ATXN7: variants seen among roughly 807,000 people sequenced by gnomAD.
ATXN7 encodes the protein ataxin-7.
In ATXN7, 12 loss-of-function variants were observed where a neutral mutation model predicts 70.5. The observed-to-expected ratio is 0.17, with a 90% confidence interval of 0.11 to 0.28. The LOEUF (loss-of-function observed/expected upper bound fraction) is 0.28, where lower values mean the gene tolerates loss of function less well. ATXN7 is among the 10% of genes least tolerant of loss of function. The pLI is 1.00. For missense variants in ATXN7, 1,256 were observed against 1,131.7 expected, an observed-to-expected ratio of 1.11 and a Z score of -1.58; for synonymous variants, 498 against 448.7, an observed-to-expected ratio of 1.11 and a Z score of -1.39.
chr3:63,995,251 TG>T (rs2075738375), intron 11 of ATXN7, among the ~76,000 whole-genome samples: 1 of 136,600 alleles, frequency 7.3e-6, no homozygotes, highest in Non-Finnish European at 1.6e-5. Context: ...ACGGGGGCGT[TG>T]GGGGTGGGAG....
chr3:63,913,469 C>T (rs989414700), intron 4 of ATXN7, among the ~76,000 whole-genome samples: 1 of 152,164 alleles, frequency 6.6e-6, no homozygotes, highest in Admixed American at 6.5e-5. Flanking sequence ...GTGATGAGCG[C>T]TGGGAACCGG....
chr3:63,910,894 CCT>C (rs1243090571), intron 2 of ATXN7, among the ~76,000 whole-genome samples: 1 of 151,718 alleles, frequency 6.6e-6, no homozygotes, highest in Non-Finnish European at 1.5e-5. Flanking sequence ...AACCCCAAAC[CCT>C]CTCTAGCAAT....
At chr3:63,990,085 A>G (rs2075644410) in intron 9 of ATXN7, 91 bp from the exon 10 acceptor site, 8 of 1,255,006 alleles carry the variant, frequency 6.4e-6, no homozygotes, top group Non-Finnish European at 9.1e-6. Flanking sequence ...GGCCTCTGCT[A>G]GGTTGTTTTG....
At chr3:63,903,987 T>C (rs546831351) in intron 2 of ATXN7, 1 of 152,384 alleles carries the variant, frequency 6.6e-6, no homozygotes, top group African/African-American at 2.4e-5. Flanking sequence ...TTAATGGTTT[T>C]TAGTGTATTC....
At chr3:63,940,518 T>A (rs182098725) in intron 4 of ATXN7, among the ~76,000 whole-genome samples, 2 of 152,322 alleles carry the variant, frequency 1.3e-5, no homozygotes, top group African/African-American at 4.8e-5. Context: ...GGAATGGTAT[T>A]CTTAACTGAG....
chr3:63,998,298 T>C (rs2075792611), intron 12 of ATXN7: 1 of 985,186 alleles, frequency 1.0e-6, no homozygotes, highest in South Asian at 4.7e-5. Context: ...TTACCAGTTT[T>C]AAAGAGAGGC....
At chr3:63,878,250 C>G (rs1702802528) in intron 1 of ATXN7, among the ~76,000 whole-genome samples, 1 of 152,198 alleles carries the variant, frequency 6.6e-6, no homozygotes, top group East Asian at 1.9e-4. Flanking sequence ...ACAAAGCTGA[C>G]TTTGATTCCT....
chr3:63,874,650 C>T (rs79238827), intron 1 of ATXN7, among the ~76,000 whole-genome samples: 61 of 152,266 alleles, frequency 4.0e-4, no homozygotes, highest in Non-Finnish European at 6.5e-4. Flanking sequence ...TCTGATTGCC[C>T]ATGCCTTATT....
intron 1 of ATXN7, chr3:63,873,948 A>G (rs1702670496): frequency 6.6e-6 from 1 of 151,506 alleles, no homozygotes; most frequent in Non-Finnish European, 1.5e-5. Flanking sequence ...CCATCCTCCC[A>G]CCTTGGCCTC....
intron 4 of ATXN7, among the ~76,000 whole-genome samples, chr3:63,918,894 G>T (rs978211509): frequency 6.6e-6 from 1 of 152,090 alleles, no homozygotes; most frequent in Non-Finnish European, 1.5e-5. Context: ...GTTACAGATC[G>T]CCCACACTTA....
chr3:63,892,268 C>G (rs1703291137), intron 1 of ATXN7, among the ~76,000 whole-genome samples: 1 of 152,144 alleles, frequency 6.6e-6, no homozygotes, highest in East Asian at 1.9e-4. Context: ...TTTGTAACCC[C>G]AGGCCAGTCA....
In ATXN7 at chr3:63,996,345, C is replaced by G. The variant is rs754382095; in HGVS notation, c.2523C>G (p.Pro841=). ...KLIGKKRKCS[P]SSSSINNSSS... is the part of the protein sequence containing the mutation. ...TAGGAAAGAAAAGAAAGTGCTCACC[C>G]AGCTCGAGCAGCATCAACAACAGCA... The change falls in exon 12 of 13, where the codon CCC becomes CCG. Residue 841 remains proline, a synonymous_variant. Coordinates refer to ENST00000674280, the MANE Select transcript of ATXN7 (RefSeq NM_001377405.1). 2 of 1,614,162 alleles carry G rather than the reference C, an allele frequency of 1.2e-6. No homozygotes were observed. The highest frequency in any genetic ancestry group is 1.7e-6 in the Non-Finnish European group (2 of 1,180,040).
At chr3:63,934,109 A>G (rs2074613382) in intron 4 of ATXN7, among the ~76,000 whole-genome samples, 1 of 152,172 alleles carries the variant, frequency 6.6e-6, no homozygotes, top group Admixed American at 6.5e-5. Flanking sequence ...AATTGCTGAC[A>G]CTGTATTCGT....
chr3:63,945,947 C>T (rs1239860839), intron 4 of ATXN7, among the ~76,000 whole-genome samples: 1 of 152,170 alleles, frequency 6.6e-6, no homozygotes, highest in South Asian at 2.1e-4. Context: ...AAAACCAAGG[C>T]CAGAGTAACC....
At chr3:63,928,352 A>G (rs889514294) in intron 4 of ATXN7, among the ~76,000 whole-genome samples, 3 of 152,230 alleles carry the variant, frequency 2.0e-5, no homozygotes, top group Non-Finnish European at 4.4e-5. Context: ...ATAGATGGCA[A>G]TCAAGAATTA....
At chr3:63,890,676 G>A (rs1278935051) in intron 1 of ATXN7, among the ~76,000 whole-genome samples, 3 of 152,234 alleles carry the variant, frequency 2.0e-5, no homozygotes, top group African/African-American at 7.2e-5. Flanking sequence ...AGCGGTTGCT[G>A]TTGGTAATGA....
At chr3:63,968,875 C>T (rs72885725) in intron 5 of ATXN7, among the ~76,000 whole-genome samples, 7 of 152,048 alleles carry the variant, frequency 4.6e-5, no homozygotes, top group Admixed American at 4.6e-4. Flanking sequence ...TGAGCTTGAC[C>T]GGAAGGTTTT....
At chr3:63,987,253 C>T (rs1016465736) in intron 8 of ATXN7, among the ~76,000 whole-genome samples, 4 of 152,188 alleles carry the variant, frequency 2.6e-5, no homozygotes, top group Admixed American at 6.5e-5. Flanking sequence ...TTGCTTCAAC[C>T]ACAGGTGTGT....
chr3:63,873,305 A>G (rs1702650180), intron 1 of ATXN7, among the ~76,000 whole-genome samples: 1 of 152,192 alleles, frequency 6.6e-6, no homozygotes. Flanking sequence ...ATGTGGTGAC[A>G]ACAATGCCAA....
Sources: gnomAD v4.1 joint callset for allele counts (sites outside exome capture counted in the v4.1 genomes callset) on GRCh38, gnomAD v4.1.1 for gene constraint, MANE v1.5 for transcripts, NCBI Gene and HGNC (gene_info 2026-07-23, HGNC 2026-07-21) for gene names.